The following PHF8 variants were observed in gnomAD, a reference collection of about 807,000 sequenced individuals.
PHF8 encodes the protein histone lysine demethylase PHF8.
Under a neutral mutation model 74.4 loss-of-function variants are expected in PHF8, and 9 were observed. The ratio of observed to expected loss-of-function variants is 0.12; its 90% confidence interval spans 0.07 to 0.21. The LOEUF (loss-of-function observed/expected upper bound fraction) is 0.21, where lower values mean the gene tolerates loss of function less well. Ranked by LOEUF, PHF8 falls within the 10% of genes least tolerant of loss-of-function variation. The pLI is 1.00. For missense variants in PHF8, 478 were observed against 816.6 expected, an observed-to-expected ratio of 0.59 and a Z score of 5.05; for synonymous variants, 311 against 316.6, an observed-to-expected ratio of 0.98 and a Z score of 0.19.
intron 20 of PHF8, among the ~76,000 whole-genome samples, chrX:53,941,698 G>A (rs2064753915): frequency 1.8e-5 from 2 of 111,987 alleles, no homozygotes; most frequent in South Asian, 7.5e-4. Flanking sequence ...TGGCTACCAC[G>A]GGCATTTCTG....
At chrX:54,029,981 C>T (rs782438082) in intron 2 of PHF8, among the ~76,000 whole-genome samples, 13 of 111,122 alleles carry the variant, frequency 1.2e-4, no homozygotes, top group African/African-American at 3.3e-4. Context: ...AGCGGACTCT[C>T]GGTGCCATAC....
intron 18 of PHF8, among the ~76,000 whole-genome samples, 154 bp downstream of exon 18, chrX:53,984,760 T>C (rs782338681): frequency 8.9e-6 from 1 of 112,255 alleles, no homozygotes; most frequent in African/African-American, 3.2e-5. Context: ...TATTCCCATT[T>C]TACAAATTAG....
chrX:53,955,378 C>T (rs1373135737), intron 19 of PHF8, among the ~76,000 whole-genome samples: 2 of 109,871 alleles, frequency 1.8e-5, no homozygotes, highest in African/African-American at 3.3e-5. Context: ...CATGCTCAGC[C>T]CCATACCTGT....
chrX:54,014,550 C>T lies in PHF8; in HGVS notation c.610G>A (p.Val204Met), dbSNP rs1557107506. The T allele has an allele frequency of 8.3e-7, 1 of 1,203,460 alleles. No individual in the cohort carries two copies. The highest frequency in any genetic ancestry group is 2.2e-5 in the Admixed American group (1 of 45,921). Residue 204 changes from valine to methionine, a missense_variant, in exon 7 of 22, where the codon GTG becomes ATG. Coordinates refer to ENST00000338154, the MANE Select transcript of PHF8 (RefSeq NM_015107.3). ...TTTCGAACAATCTTCGGTGTCTCCA[C>T]AAGGTTAGAAAGTCTACCAAGGAAG... ...EFSDTRLSNL[V>M]ETPKIVRKLS...
At chrX:54,042,893 C>A (rs2066586361) in intron 1 of PHF8, 73 bp from the exon 2 acceptor site, 2 of 741,757 alleles carry the variant, frequency 2.7e-6, no homozygotes, top group Non-Finnish European at 3.7e-6. Context: ...ACCCTCAGTT[C>A]TCCAATAGAG....
rs781828175 is a variant in PHF8 at position 53,978,914 on chromosome X, A to T, written c.2443+6000T>A. Among the ~76,000 whole-genome samples the T allele has an allele frequency of 5.4e-4, 60 of 111,052 alleles. 2 individuals are homozygous for T. The East Asian group carries it at 0.01, about 19-fold the overall frequency. Reference sequence around the variant, plus strand: ...GCAAAGGCAAAAACCACAGTGACAGAGAGCAGATCAGTGGTTGCTCGGGAG... The same window carrying T: ...GCAAAGGCAAAAACCACAGTGACAGTGAGCAGATCAGTGGTTGCTCGGGAG... On this transcript the variant is annotated intron_variant, in intron 18 of 21. Coordinates refer to ENST00000338154, the MANE Select transcript of PHF8 (RefSeq NM_015107.3).
Position 53,981,709 on chromosome X carries a change from G to A in PHF8, c.2443+3205C>T, listed in dbSNP as rs781818075. Among the ~76,000 whole-genome samples the A allele has an allele frequency of 9.0e-5, 10 of 111,678 alleles. No individual in the cohort carries two copies. The South Asian group carries it at 3.7e-3, about 42-fold the overall frequency. ...ATAATGCCGGGTACAAATGCCATTG[G>A]GCTCTAACTTAGAACTGCTATTATT... On this transcript the variant is annotated intron_variant, in intron 18 of 21. Coordinates refer to ENST00000338154, the MANE Select transcript of PHF8 (RefSeq NM_015107.3).
chrX:54,029,993 C>CT (rs2066328246), intron 2 of PHF8, among the ~76,000 whole-genome samples: 2 of 111,112 alleles, frequency 1.8e-5, no homozygotes, highest in African/African-American at 6.6e-5. Flanking sequence ...GTGCCATACT[C>CT]TGTCTAGCTC....
intron 2 of PHF8, among the ~76,000 whole-genome samples, chrX:54,039,133 C>CAAAAAAAAAAAAAAAAAAAAAAA: frequency 2.3e-5 from 1 of 42,622 alleles, no homozygotes; most frequent in Non-Finnish European, 4.7e-5. Flanking sequence ...GACTCTGTCT[C>CAAAAAAAAAAAAAAAAAAAAAAA]AAAAAAAAAA....
chrX:53,995,824 A>G (rs1557102699), intron 11 of PHF8, 42 bp from the exon 12 acceptor site: 2 of 853,000 alleles, frequency 2.3e-6, no homozygotes, highest in Admixed American at 4.7e-5. Flanking sequence ...ACACATAAAG[A>G]GACAACTGAT....
upstream of PHF8, among the ~76,000 whole-genome samples, chrX:54,048,394 G>A (rs1557117761): frequency 8.9e-6 from 1 of 111,824 alleles, no homozygotes. Flanking sequence ...CCTGTGTGGT[G>A]TGGGAACAAA....
chrX:54,020,201 A>G (rs1557109443), intron 4 of PHF8, among the ~76,000 whole-genome samples: 1 of 111,460 alleles, frequency 9.0e-6, no homozygotes, highest in African/African-American at 3.3e-5. Context: ...TAAATAAATA[A>G]ATAAAATAAA....
At chrX:53,951,308 G>A (rs1400073867) in intron 19 of PHF8, among the ~76,000 whole-genome samples, 1 of 111,678 alleles carries the variant, frequency 9.0e-6, no homozygotes, top group East Asian at 2.8e-4. Context: ...GAGCCAAAGG[G>A]ATCTGAAGGA....
chrX:54,038,955 T>C (rs1348375542), intron 2 of PHF8, among the ~76,000 whole-genome samples: 3 of 109,216 alleles, frequency 2.7e-5, no homozygotes, highest in African/African-American at 1.0e-4. Context: ...ACCAACATAG[T>C]GAAACCCTGT....
intron 18 of PHF8, 116 bp from the exon 19 acceptor site, chrX:53,963,055 T>C: frequency 1.9e-6 from 1 of 534,690 alleles, no homozygotes; most frequent in Non-Finnish European, 3.4e-6. Context: ...ACTTAATCCA[T>C]ACTCAACTCC....
intron 9 of PHF8, 118 bp from the exon 10 acceptor site, chrX:54,002,379 C>A (rs1352840828): frequency 3.5e-6 from 2 of 569,346 alleles, no homozygotes; most frequent in South Asian, 2.5e-5. Context: ...TCTGCAAGAT[C>A]TGACTTTACA....
chrX:53,966,958 G>A (rs1219322100), intron 18 of PHF8, among the ~76,000 whole-genome samples: 5 of 109,805 alleles, frequency 4.6e-5, no homozygotes, highest in African/African-American at 1.3e-4. Context: ...TCTCTGCCCA[G>A]CCGCCCCATC....
intron 18 of PHF8, among the ~76,000 whole-genome samples, chrX:53,972,774 A>G (rs2065314938): frequency 9.0e-6 from 1 of 111,597 alleles, no homozygotes; most frequent in African/African-American, 3.3e-5. Context: ...CCTATTCAAC[A>G]TAGCATTGGA....
intron 2 of PHF8, among the ~76,000 whole-genome samples, chrX:54,035,665 C>A (rs1173833289): frequency 5.4e-5 from 6 of 110,765 alleles, no homozygotes; most frequent in African/African-American, 2.0e-4. Flanking sequence ...TTAGGGCACA[C>A]AGTGGCACAT....
Sources: gnomAD v4.1 joint callset for allele counts (sites outside exome capture counted in the v4.1 genomes callset) on GRCh38, gnomAD v4.1.1 for gene constraint, MANE v1.5 for transcripts, NCBI Gene and HGNC (gene_info 2026-07-23, HGNC 2026-07-21) for gene names.